Variants in DNAH14 observed in about 807,000 individuals in gnomAD.
The protein encoded by DNAH14 is dynein axonemal heavy chain 14, also known as axonemal beta dynein heavy chain 14.
Under a neutral mutation model 520.9 loss-of-function variants are expected in DNAH14, and 478 were observed. The ratio of observed to expected loss-of-function variants is 0.92; its 90% confidence interval spans 0.85 to 0.99. DNAH14 has a LOEUF of 0.99. Among genes scored for constraint, DNAH14 ranks in the 50% least tolerant of loss-of-function variants. The pLI is 0.00. For synonymous variants in DNAH14, 1,581 were observed against 1,757.2 expected (o/e 0.90, Z 2.51); for missense variants, 4,831 against 5,234.5 (o/e 0.92, Z 2.38).
rs144450986 is a variant in DNAH14 at position 225,104,020 on chromosome 1, G to T, written c.3867+3136G>T. 6.8e-3 allele frequency among the ~76,000 whole-genome samples: 1,037 copies of T among 152,144 alleles called. 8 individuals are homozygous for T. The highest frequency in any genetic ancestry group is 0.023 in the African/African-American group (970 of 41,470). The stretch of plus-strand genomic sequence containing the variant: ...TTTGCCCATTCAGTGTGATAGTGGC[G>T]TGGGTTTGTCATAGCTAGCTCTTAT... On this transcript the variant is annotated intron_variant, in intron 23 of 85. Transcript: ENST00000682510.
chr1:225,169,204 A>T (rs1353114395), intron 36 of DNAH14, among the ~76,000 whole-genome samples: 2 of 152,232 alleles, frequency 1.3e-5, no homozygotes, highest in Non-Finnish European at 2.9e-5. Context: ...GAAAAAACAG[A>T]GAAGAAAAAC....
intron 17 of DNAH14, among the ~76,000 whole-genome samples, chr1:225,071,944 G>A (rs1018620572): frequency 3.9e-5 from 6 of 152,132 alleles, no homozygotes; most frequent in African/African-American, 1.4e-4. Context: ...AGATTTGGGT[G>A]GGGACACAGC....
intron 60 of DNAH14, among the ~76,000 whole-genome samples, chr1:225,309,565 A>G (rs923833881): frequency 1.3e-5 from 2 of 152,108 alleles, no homozygotes; most frequent in African/African-American, 4.8e-5. Context: ...TGCAATGCCA[A>G]CCACCTGAAG....
intron 66 of DNAH14, among the ~76,000 whole-genome samples, chr1:225,335,263 T>C (rs1574851559): frequency 7.6e-6 from 1 of 132,408 alleles, no homozygotes; most frequent in Non-Finnish European, 1.6e-5. Context: ...TATGCACATA[T>C]ACACGTGTAC....
At chr1:225,335,637 G>A (rs1391850690) in intron 66 of DNAH14, among the ~76,000 whole-genome samples, 1 of 123,974 alleles carries the variant, frequency 8.1e-6, no homozygotes, top group Non-Finnish European at 1.7e-5. Flanking sequence ...ATACATATGT[G>A]CATATATGTA....
chr1:225,313,176 G>T (rs1337896940), intron 60 of DNAH14, among the ~76,000 whole-genome samples: 1 of 152,004 alleles, frequency 6.6e-6, no homozygotes, highest in Non-Finnish European at 1.5e-5. Context: ...GTCTTGGGAG[G>T]GTGTATGTGT....
intron 1 of DNAH14, among the ~76,000 whole-genome samples, chr1:224,938,656 G>A (rs1017728013): frequency 3.3e-5 from 5 of 152,118 alleles, no homozygotes; most frequent in African/African-American, 1.2e-4. Context: ...ACTAAAAATA[G>A]ACCTGCTATG....
At position 224,929,698 on chromosome 1, in the gene DNAH14, C is replaced by G. The variant is rs754389285; in HGVS notation, c.-171C>G. 24 of 702,432 alleles carry G rather than the reference C, an allele frequency of 3.4e-5. No homozygotes were observed. Among genetic ancestry groups the G allele is most frequent in the South Asian group, 2.8e-4 (19 of 67,600 alleles). The allele number at this position is 702,432 out of a possible 1,614,324, so 43.5% of individuals were successfully genotyped here. ...TGGTCAGGCGGTTACGGCCAGGAGGCGTCGGAGCCTGGCGTGGTAGGGCTG... is the reference window on the plus strand; with the variant it reads ...TGGTCAGGCGGTTACGGCCAGGAGGGGTCGGAGCCTGGCGTGGTAGGGCTG... On this transcript the variant is annotated 5_prime_UTR_variant, in exon 1 of 86. Coordinates refer to ENST00000682510, the MANE Select transcript of DNAH14 (RefSeq NM_001367479.1).
rs192931384 is a variant in DNAH14, at chr1:225,369,810, T to C, written c.12318+1778T>C. 1.1e-4 allele frequency among the ~76,000 whole-genome samples: 16 copies of C among 152,168 alleles called. No individual in the cohort carries two copies. In the East Asian group the frequency reaches 2.7e-3, roughly 26 times the overall value. On this transcript the variant is annotated intron_variant, in intron 77 of 85. Transcript: ENST00000682510. ...GTTATCTGAACACAATTTAATATAA[T>C]AAAAATTTGACCCCTAAAAATCTAA...
chr1:225,392,589 G>A (rs2095933858), intron 84 of DNAH14, 138 bp downstream of exon 84: 1 of 1,022,086 alleles, frequency 9.8e-7, no homozygotes, highest in African/African-American at 1.6e-5. Flanking sequence ...AACAAGCCCT[G>A]CTTCAAGTCC....
At chr1:225,089,524 A>T (rs935304798) in intron 21 of DNAH14, among the ~76,000 whole-genome samples, 1 of 151,534 alleles carries the variant, frequency 6.6e-6, no homozygotes. Context: ...GGAGATATTT[A>T]AAAAATTTTT....
At chr1:225,193,291 G>A (rs1039083165) in intron 38 of DNAH14, among the ~76,000 whole-genome samples, 4 of 152,050 alleles carry the variant, frequency 2.6e-5, no homozygotes, top group Admixed American at 1.3e-4. Context: ...TCACAGAATA[G>A]ATACAAGTGG....
chr1:224,967,388 T>A lies in DNAH14; in HGVS notation c.499-43T>A, dbSNP rs773242725. Reference sequence around the variant, plus strand: ...CATTGTATTAATTTAGTTAATTTAGTCAAATTAATTAAATTTGTTTATTAT... The same window carrying A: ...CATTGTATTAATTTAGTTAATTTAGACAAATTAATTAAATTTGTTTATTAT... On this transcript the variant is annotated intron_variant, in intron 5 of 85. Transcript: ENST00000682510. The A allele has an allele frequency of 1.2e-5, 16 of 1,381,616 alleles. No homozygotes were observed. In the Admixed American group the frequency reaches 3.5e-4, roughly 30 times the overall value. 85.6% of individuals were successfully genotyped at this position (1,381,616 alleles called of 1,614,324 possible). A position where few individuals can be genotyped will look rare whatever the true frequency, so the allele number is the denominator to read the frequency against.
chr1:225,349,029 T>C (rs2095327295), intron 71 of DNAH14, among the ~76,000 whole-genome samples: 1 of 152,152 alleles, frequency 6.6e-6, no homozygotes, highest in Non-Finnish European at 1.5e-5. Context: ...TAGAATACAG[T>C]GATGGGATCA....
At position 225,151,243 on chromosome 1, in the gene DNAH14, G is replaced by A. The variant is rs1193694167; in HGVS notation, c.4941-762G>A. Among the ~76,000 whole-genome samples, 8 of 152,174 alleles carry A rather than the reference G, an allele frequency of 5.3e-5. No homozygotes were observed. The South Asian group carries it at 6.2e-4, about 12-fold the overall frequency. ...TCTAATATTTCTAATGCAAGCTAATGGATACTAACTTGTGGCTTTCCTCTC... is the reference window on the plus strand; with the variant it reads ...TCTAATATTTCTAATGCAAGCTAATAGATACTAACTTGTGGCTTTCCTCTC... On this transcript the variant is annotated intron_variant, in intron 31 of 85. Transcript: ENST00000682510.
chr1:225,198,224 T>TA (rs1374851060), intron 38 of DNAH14, among the ~76,000 whole-genome samples: 2 of 149,000 alleles, frequency 1.3e-5, no homozygotes, highest in Admixed American at 6.7e-5. Context: ...TATGCCAATT[T>TA]TTTTTTTTTT....
intron 1 of DNAH14, among the ~76,000 whole-genome samples, chr1:224,940,718 G>A (rs1426005477): frequency 3.5e-5 from 5 of 143,330 alleles, no homozygotes; most frequent in Non-Finnish European, 7.5e-5. Context: ...TCCCCTTCCT[G>A]TGTCCATGTG....
chr1:224,974,319 A>G (rs971261650), intron 8 of DNAH14, among the ~76,000 whole-genome samples, 166 bp downstream of exon 8: 3 of 152,184 alleles, frequency 2.0e-5, no homozygotes, highest in African/African-American at 7.2e-5. Flanking sequence ...ACTATTAAAC[A>G]CTGTGTTTTG....
chr1:225,278,554 G>A (rs1052398093), intron 54 of DNAH14, among the ~76,000 whole-genome samples: 5 of 151,712 alleles, frequency 3.3e-5, no homozygotes, highest in South Asian at 2.1e-4. Context: ...TTTCTTTCTG[G>A]TCCTTAGCCT....
Sources: gnomAD v4.1 joint callset for allele counts (sites outside exome capture counted in the v4.1 genomes callset) on GRCh38, gnomAD v4.1.1 for gene constraint, MANE v1.5 for transcripts, NCBI Gene and HGNC (gene_info 2026-07-23, HGNC 2026-07-21) for gene names.